MR1: variants seen among roughly 807,000 people sequenced by gnomAD.
The protein encoded by MR1 is major histocompatibility complex, class I-related, also known as major histocompatibility complex class I-related protein 1.
In MR1, 44 loss-of-function variants were observed where a neutral mutation model predicts 37.8. That is an observed-to-expected ratio of 1.16 (90% CI 0.91 to 1.50). The LOEUF (loss-of-function observed/expected upper bound fraction) is 1.50, where lower values mean the gene tolerates loss of function less well. Among genes scored for constraint, MR1 ranks in the 40% most tolerant of loss-of-function variants. The pLI is 0.00. For missense variants in MR1, 386 were observed against 419.1 expected, an observed-to-expected ratio of 0.92 and a Z score of 0.69; for synonymous variants, 153 against 155.8, an observed-to-expected ratio of 0.98 and a Z score of 0.13.
Position 181,055,293 on chromosome 1 carries a change from T to A in MR1, c.*28T>A. The stretch of plus-strand genomic sequence containing the variant: ...GCAGATCCCTCTTTTCCAGTTCTCC[T>A]TCCTCTAGGAGCCATGTTATCCTCT... On this transcript the variant is annotated 3_prime_UTR_variant, in exon 6 of 6. Coordinates refer to ENST00000367580, the MANE Select transcript of MR1 (RefSeq NM_001385161.1). The A allele has an allele frequency of 6.3e-7, 1 of 1,598,724 alleles. No individual in the cohort carries two copies. The highest frequency in any genetic ancestry group is 8.6e-7 in the Non-Finnish European group (1 of 1,166,274).
chr1:181,051,513 A>G (rs755742403), intron 3 of MR1, among the ~76,000 whole-genome samples: 1 of 152,174 alleles, frequency 6.6e-6, no homozygotes, highest in Non-Finnish European at 1.5e-5. Context: ...AGAGATGAGC[A>G]GGAAGCAGTC....
At position 181,055,325 on chromosome 1, in the gene MR1, C is replaced by G; in HGVS notation, c.*60C>G. ...AGGAGCCATGTTATCCTCTGTCCCC[C>G]ATAGAGTCAAGCCTAGTGCTTGAAG... On this transcript the variant is annotated 3_prime_UTR_variant, in exon 6 of 6. Transcript: ENST00000367580. The G allele has an allele frequency of 1.3e-6, 2 of 1,504,114 alleles. No individual in the cohort carries two copies. Among genetic ancestry groups the G allele is most frequent in the Non-Finnish European group, 1.8e-6 (2 of 1,081,606 alleles). The allele number at this position is 1,504,114 out of a possible 1,614,324, so 93.2% of individuals were successfully genotyped here. A position where few individuals can be genotyped will look rare whatever the true frequency, so the allele number is the denominator to read the frequency against.
rs775161220 is a variant in MR1, at chr1:181,049,121, C to T, written c.137C>T (p.Ser46Leu). The stretch of plus-strand genomic sequence containing the variant: ...ATCCATGGGGTCCCTGAATTTATTT[C>T]GGTTGGGTACGTGGACTCGCACCCT... ...DPIHGVPEFI[S>L]VGYVDSHPIT... The change falls in exon 2 of 6, where the codon TCG (serine) becomes TTG (leucine). Residue 46 changes from serine to leucine, a missense_variant. Physicochemically the swap from Ser to Leu is moderately radical, Grantham distance 145 (BLOSUM62 -2). Transcript: ENST00000367580. 41 of 1,614,020 alleles carry T rather than the reference C, an allele frequency of 2.5e-5. No homozygotes were observed. Among genetic ancestry groups the T allele is most frequent in the Non-Finnish European group, 3.1e-5 (36 of 1,179,984 alleles).
At chr1:181,044,491 T>A (rs1657748824) in intron 1 of MR1, among the ~76,000 whole-genome samples, 1 of 152,144 alleles carries the variant, frequency 6.6e-6, no homozygotes, top group East Asian at 1.9e-4. Context: ...CCCCTGGATA[T>A]GGCCCCACAT....
Position 181,052,401 on chromosome 1 carries a change from T to G in MR1, c.771T>G (p.Asp257Glu), listed in dbSNP as rs141366222. The G allele has an allele frequency of 1.2e-6, 2 of 1,614,218 alleles. No individual in the cohort carries two copies. Among genetic ancestry groups the G allele is most frequent in the Non-Finnish European group, 8.5e-7 (1 of 1,180,038 alleles). ...IDYGDILPSG[D>E]GTYQAWASIE... ...ATGGAGACATTCTTCCCAGTGGGGA[T>G]GGAACCTATCAGGCGTGGGCATCAA... The change falls in exon 4 of 6, where the codon GAT becomes GAG. Residue 257 changes from aspartate (D) to glutamate (E), a missense_variant. Coordinates refer to ENST00000367580, the MANE Select transcript of MR1 (RefSeq NM_001385161.1).
intron 1 of MR1, among the ~76,000 whole-genome samples, chr1:181,034,865 G>A (rs532290301): frequency 2.6e-5 from 4 of 152,168 alleles, no homozygotes; most frequent in Non-Finnish European, 5.9e-5. Context: ...GGCGAGGGGG[G>A]TGGATGATTA....
intron 1 of MR1, among the ~76,000 whole-genome samples, chr1:181,038,872 C>T (rs576712113): frequency 1.6e-4 from 25 of 151,994 alleles, no homozygotes; most frequent in Non-Finnish European, 3.7e-4. Context: ...GGCGTGATCC[C>T]GGCTCACTAC....
Position 181,055,692 on chromosome 1 carries a change from C to T in MR1, c.*427C>T, listed in dbSNP as rs552544786. 5.5e-6 allele frequency: 1 copy of T among 182,474 alleles called. No individual in the cohort carries two copies. The highest frequency in any genetic ancestry group is 1.5e-4 in the East Asian group (1 of 6,520). The allele number at this position is 182,474 out of a possible 1,614,324, so 11.3% of individuals were successfully genotyped here. ...CCATGTGAAGGGAACCTCAGTACTT[C>T]ATAAAATGGCCTTTCTCATTCATCT... is the stretch of plus-strand genomic sequence containing the variant. On this transcript the variant is annotated 3_prime_UTR_variant, in exon 6 of 6. Coordinates refer to ENST00000367580, the MANE Select transcript of MR1 (RefSeq NM_001385161.1).
At chr1:181,051,234 G>A (rs551338042) in intron 3 of MR1, 3 of 148,780 alleles carry the variant, frequency 2.0e-5, no homozygotes, top group East Asian at 3.9e-4. Flanking sequence ...CAACCTTTTG[G>A]TCAAAACACA....
chr1:181,041,170 C>A (rs1322125556), intron 1 of MR1, among the ~76,000 whole-genome samples: 4 of 152,198 alleles, frequency 2.6e-5, no homozygotes, highest in African/African-American at 9.6e-5. Flanking sequence ...ATATTTCTCT[C>A]TATCTACCTC....
chr1:181,046,667 C>T (rs563835610), intron 1 of MR1, among the ~76,000 whole-genome samples: 12 of 152,170 alleles, frequency 7.9e-5, no homozygotes, highest in Admixed American at 2.0e-4. Context: ...GCAACCGTCT[C>T]GGGTCCGCTT....
At chr1:181,054,394 C>A (rs558954409) in intron 5 of MR1, among the ~76,000 whole-genome samples, 1 of 152,290 alleles carries the variant, frequency 6.6e-6, no homozygotes, top group South Asian at 2.1e-4. Flanking sequence ...TCACTAATTG[C>A]TCAAATTGAT....
chr1:181,052,023 G>A (rs956696998), intron 3 of MR1, among the ~76,000 whole-genome samples: 2 of 152,160 alleles, frequency 1.3e-5, no homozygotes, highest in African/African-American at 4.8e-5. Flanking sequence ...ATGGAGCATG[G>A]GCCAACTCCA....
At chr1:181,040,494 T>C (rs1361153626) in intron 1 of MR1, among the ~76,000 whole-genome samples, 1 of 152,142 alleles carries the variant, frequency 6.6e-6, no homozygotes, top group Non-Finnish European at 1.5e-5. Flanking sequence ...GTCAATCAAC[T>C]TCCCACCACA....
chr1:181,050,232 A>G lies in MR1; in HGVS notation c.550A>G (p.Ile184Val), dbSNP rs1354798462. The change falls in exon 3 of 6, where the codon ATT (isoleucine) becomes GTT (valine). Residue 184 changes from isoleucine to valine, a missense_variant. Coordinates refer to ENST00000367580, the MANE Select transcript of MR1 (RefSeq NM_001385161.1). ...YQKNWLEEECIAWLKRFLEYG... is the reference protein window; with the variant it reads ...YQKNWLEEECVAWLKRFLEYG... ...AAAGAATTGGCTGGAAGAAGAATGT[A>G]TTGCCTGGCTAAAGAGATTCCTGGA... is the stretch of plus-strand genomic sequence containing the variant. 1.2e-6 allele frequency: 2 copies of G among 1,614,260 alleles called. No individual in the cohort carries two copies. Among genetic ancestry groups the G allele is most frequent in the Non-Finnish European group, 1.7e-6 (2 of 1,180,044 alleles).
rs1012869367 is a variant in MR1, at chr1:181,057,548, G to A, written c.*2283G>A. 21 of 152,180 alleles carry A rather than the reference G, an allele frequency of 1.4e-4. No homozygotes were observed. Among genetic ancestry groups the A allele is most frequent in the South Asian group, 6.2e-4 (3 of 4,828 alleles). 9.4% of individuals were successfully genotyped at this position (152,180 alleles called of 1,614,324 possible). On this transcript the variant is annotated 3_prime_UTR_variant, in exon 6 of 6. Coordinates refer to ENST00000367580, the MANE Select transcript of MR1 (RefSeq NM_001385161.1). ...AAAGACACAGATAAAAAGCCTCTGT[G>A]TTTCCAAGGCCTTGCCCTACACCTA...
chr1:181,048,262 G>T (rs1231972116), intron 1 of MR1, among the ~76,000 whole-genome samples: 2 of 149,766 alleles, frequency 1.3e-5, no homozygotes, highest in Non-Finnish European at 3.0e-5. Context: ...TCGGCCAGGC[G>T]CAGTGGCTCA....
rs1658682723 is a variant in MR1 at position 181,057,516 on chromosome 1, T to G, written c.*2251T>G. The G allele has an allele frequency of 6.6e-6, 1 of 152,238 alleles. No homozygotes were observed. The highest frequency in any genetic ancestry group is 1.5e-5 in the Non-Finnish European group (1 of 68,050). The allele number at this position is 152,238 out of a possible 1,614,324, so 9.4% of individuals were successfully genotyped here. A position where few individuals can be genotyped will look rare whatever the true frequency, so the allele number is the denominator to read the frequency against. ...TTTTGATTCTGCAACTGCAGGATACTCTCATCAAAGACACAGATAAAAAGC... is the reference window on the plus strand; with the variant it reads ...TTTTGATTCTGCAACTGCAGGATACGCTCATCAAAGACACAGATAAAAAGC... On this transcript the variant is annotated 3_prime_UTR_variant, in exon 6 of 6. Transcript: ENST00000367580.
intron 1 of MR1, chr1:181,036,968 T>C (rs963315086): frequency 6.6e-6 from 1 of 152,216 alleles, no homozygotes; most frequent in African/African-American, 2.4e-5. Flanking sequence ...GTTTCATGCT[T>C]TTACAACTCA....
Sources: gnomAD v4.1 joint callset for allele counts (sites outside exome capture counted in the v4.1 genomes callset) on GRCh38, gnomAD v4.1.1 for gene constraint, MANE v1.5 for transcripts, NCBI Gene and HGNC (gene_info 2026-07-23, HGNC 2026-07-21) for gene names.